The following NPIPB2 variants were observed in gnomAD, a reference collection of about 807,000 sequenced individuals.
NPIPB2 encodes nuclear pore complex interacting protein family member B2.
NPIPB2 carries 27 observed loss-of-function variants against 30.8 expected under a neutral mutation model. The observed-to-expected ratio is 0.88, with a 90% CI of 0.65 to 1.21. The LOEUF (loss-of-function observed/expected upper bound fraction) is 1.21, where lower values mean the gene tolerates loss of function less well. NPIPB2 is among the 50% of genes most tolerant of loss of function. NPIPB2 has a pLI of 0.00. For synonymous variants in NPIPB2, 147 were observed against 162.0 expected (o/e 0.91, Z 0.70); for missense variants, 440 against 446.2 (o/e 0.99, Z 0.13).
At chr16:11,965,392 C>T (rs2055185449) in intron 1 of NPIPB2, 2 of 1,614,116 alleles carry the variant, frequency 1.2e-6, no homozygotes, top group Non-Finnish European at 1.7e-6. Flanking sequence ...GCTTGCATAC[C>T]TTGTCAACTT....
intron 1 of NPIPB2, among the ~76,000 whole-genome samples, chr16:11,957,999 C>T (rs1184060179): frequency 6.6e-6 from 1 of 152,184 alleles, no homozygotes; most frequent in Non-Finnish European, 1.5e-5. Flanking sequence ...CTGCCAACAT[C>T]AGCTAAGCCG....
At chr16:11,961,890 C>G (rs2055155495) in intron 1 of NPIPB2, among the ~76,000 whole-genome samples, 1 of 151,616 alleles carries the variant, frequency 6.6e-6, no homozygotes, top group South Asian at 2.1e-4. Flanking sequence ...AACAGAGGCT[C>G]TATTTGGAAA....
chr16:11,932,643 G>A lies in NPIPB2; in HGVS notation c.488+874C>T, dbSNP rs1311782529. Among the ~76,000 whole-genome samples the A allele has an allele frequency of 1.0e-4, 14 of 138,238 alleles. 1 individual carries two copies. The highest frequency in any genetic ancestry group is 3.6e-3 in the Middle Eastern group (1 of 278). The allele number at this position is 138,238 out of a possible 152,430, so 90.7% of individuals were successfully genotyped here. On this transcript the variant is annotated intron_variant, in intron 4 of 7. Transcript: ENST00000399147. ...ATACAAAAATTATCCGGGCATGGTG[G>A]CATATGCCTGTAGTCCCAGCTACTC...
chr16:11,964,760 G>A (rs11570135), intron 1 of NPIPB2, among the ~76,000 whole-genome samples: 41,467 of 151,976 alleles, frequency 0.27, 6,926 homozygotes, highest in Non-Finnish European at 0.39. Context: ...TCAGGGTTTC[G>A]CCATGTTGCC....
At chr16:11,927,781 T>G (rs751647848) in exon 8 of NPIPB2, 3 of 1,577,704 alleles carry the variant, frequency 1.9e-6, no homozygotes, top group Non-Finnish European at 1.7e-6. Context: ...TTGGAGGAGG[T>G]GGCTGGTGGC....
chr16:11,948,744 G>C (rs1416504658), intron 1 of NPIPB2, among the ~76,000 whole-genome samples: 1 of 123,446 alleles, frequency 8.1e-6, no homozygotes, highest in Non-Finnish European at 1.6e-5. Context: ...TCCAGCCTGG[G>C]TGACAGAGCG....
chr16:11,944,492 G>A (rs2054981286), upstream of NPIPB2, among the ~76,000 whole-genome samples: 1 of 151,694 alleles, frequency 6.6e-6, no homozygotes, highest in Non-Finnish European at 1.5e-5. Context: ...GCAGAGTGCG[G>A]TAGCTCACGC....
At position 11,952,175 on chromosome 16, in the gene NPIPB2, C is replaced by CAAACA. The variant is rs1555509445; in HGVS notation, c.-583-10062_-583-10061insTGTTT. Among the ~76,000 whole-genome samples the CAAACA allele has an allele frequency of 5.6e-4, 72 of 128,842 alleles. 1 individual carries two copies. Among genetic ancestry groups the CAAACA allele is most frequent in the African/African-American group, 1.9e-3 (66 of 34,116 alleles). The allele number at this position is 128,842 out of a possible 152,430, so 84.5% of individuals were successfully genotyped here. Reference sequence around the variant, plus strand: ...CTCAAAAAAAAAAACAAAAACAAAACAAAAAAAAAAACAAAGAAAAAAATT... The same window carrying CAAACA: ...CTCAAAAAAAAAAACAAAAACAAAACAAACAAAAAAAAAAAACAAAGAAAAAAATT... On this transcript the variant is annotated intron_variant, in intron 1 of 5. Coordinates refer to the NPIPB2 transcript ENST00000538896.
intron 1 of NPIPB2, chr16:11,967,844 GTAAT>G: frequency 6.2e-7 from 1 of 1,612,610 alleles, no homozygotes; most frequent in Non-Finnish European, 8.5e-7. Flanking sequence ...TTTCTGCTAG[GTAAT>G]TAACCATTTC....
intron 1 of NPIPB2, among the ~76,000 whole-genome samples, chr16:11,962,363 G>T (rs554138907): frequency 3.1e-4 from 47 of 151,764 alleles, no homozygotes; most frequent in South Asian, 1.0e-3. Context: ...GCTGGGCATG[G>T]TGGCGCATGC....
intron 1 of NPIPB2, among the ~76,000 whole-genome samples, chr16:11,958,425 T>TA (rs35610717): frequency 0.011 from 1,530 of 137,846 alleles, 11 homozygotes; most frequent in Non-Finnish European, 0.015. Flanking sequence ...GAGACTCCGT[T>TA]AAAAAAAAAA....
intron 4 of NPIPB2, among the ~76,000 whole-genome samples, chr16:11,932,851 C>T (rs2054809510): frequency 7.6e-6 from 1 of 131,256 alleles, no homozygotes. Context: ...ATCCAAGCTA[C>T]TCAGGAAGCT....
At chr16:11,964,517 A>C (rs773536628) in intron 1 of NPIPB2, among the ~76,000 whole-genome samples, 1 of 151,700 alleles carries the variant, frequency 6.6e-6, no homozygotes, top group African/African-American at 2.4e-5. Context: ...GGGTTCAAGC[A>C]CGTCTCCCTG....
chr16:11,946,566 A>G (rs1238855213), upstream of NPIPB2, among the ~76,000 whole-genome samples: 1 of 151,916 alleles, frequency 6.6e-6, no homozygotes, highest in East Asian at 1.9e-4. Flanking sequence ...GAGTGAGACC[A>G]TATCTTTAAG....
At position 11,947,855 on chromosome 16, in the gene NPIPB2, T is replaced by C. The variant is rs913045795; in HGVS notation, c.-583-5741A>G. Among the ~76,000 whole-genome samples, 3 of 151,250 alleles carry C rather than the reference T, an allele frequency of 2.0e-5. No homozygotes were observed. In the Admixed American group the frequency reaches 2.0e-4, roughly 10 times the overall value. The stretch of plus-strand genomic sequence containing the variant: ...GGTTCTGGAAGGGAGCAGCTGGTCA[T>C]GGAAGCTGGGGCTAGCATCAGTGCC... On this transcript the variant is annotated intron_variant, in intron 1 of 5. Coordinates refer to the NPIPB2 transcript ENST00000538896.
At chr16:11,948,357 A>G (rs1174641752) in intron 1 of NPIPB2, among the ~76,000 whole-genome samples, 2 of 152,180 alleles carry the variant, frequency 1.3e-5, no homozygotes, top group African/African-American at 2.4e-5. Flanking sequence ...GTCTGTGAGG[A>G]AAGCACGCTC....
At chr16:11,961,830 C>G (rs1258251086) in intron 1 of NPIPB2, among the ~76,000 whole-genome samples, 1 of 151,296 alleles carries the variant, frequency 6.6e-6, no homozygotes, top group Non-Finnish European at 1.5e-5. Context: ...CTCTATCTGC[C>G]TCCTGGGTGG....
upstream of NPIPB2, among the ~76,000 whole-genome samples, chr16:11,945,622 G>C (rs2054999291): frequency 6.6e-6 from 1 of 152,002 alleles, no homozygotes; most frequent in Non-Finnish European, 1.5e-5. Flanking sequence ...ATGCTTCACT[G>C]AGCTGAAATC....
At position 11,952,405 on chromosome 16, in the gene NPIPB2, T is replaced by C. The variant is rs143133156; in HGVS notation, c.-583-10291A>G. The stretch of plus-strand genomic sequence containing the variant: ...AACCCCTGGAGTCAACAGTCTATCT[T>C]AGCAGGTATGCCGTTTTGATCTTGA... On this transcript the variant is annotated intron_variant, in intron 1 of 5. Transcript: ENST00000538896. 5.8e-3 allele frequency among the ~76,000 whole-genome samples: 888 copies of C among 152,110 alleles called. 13 individuals carry two copies. Among genetic ancestry groups the C allele is most frequent in the African/African-American group, 0.02 (844 of 41,518 alleles).
Sources: allele counts gnomAD v4.1 joint callset (sites outside exome capture counted in the v4.1 genomes callset), GRCh38; gene constraint gnomAD v4.1.1; transcripts MANE v1.5; gene names NCBI Gene and HGNC (gene_info 2026-07-23, HGNC 2026-07-21).